SRBD1: variants seen among roughly 807,000 people sequenced by gnomAD.
SRBD1 encodes the protein S1 RNA binding domain 1.
A neutral mutation model predicts 115.3 loss-of-function variants in SRBD1; 88 were observed. The observed-to-expected ratio is 0.76, with a 90% confidence interval of 0.64 to 0.91. The LOEUF is 0.91. SRBD1 is among the 40% of genes least tolerant of loss of function. The probability of loss-of-function intolerance (pLI) is 0.00; values close to 1 mark genes in which losing one functional copy is unlikely to be tolerated. For missense variants in SRBD1, 1,385 were observed against 1,177.4 expected, an observed-to-expected ratio of 1.18 and a Z score of -2.58; for synonymous variants, 509 against 407.7, an observed-to-expected ratio of 1.25 and a Z score of -2.99.
chr2:45,489,957 C>G (rs899248437), intron 14 of SRBD1, among the ~76,000 whole-genome samples: 4 of 152,112 alleles, frequency 2.6e-5, no homozygotes, highest in Non-Finnish European at 5.9e-5. Context: ...TCTTCCTTTG[C>G]CTTTTTCTTT....
intron 19 of SRBD1, among the ~76,000 whole-genome samples, chr2:45,394,302 T>C (rs1410073875): frequency 6.6e-6 from 1 of 152,242 alleles, no homozygotes; most frequent in Admixed American, 6.5e-5. Flanking sequence ...TTAAGATGCA[T>C]TTCCCTTTAA....
intron 14 of SRBD1, among the ~76,000 whole-genome samples, chr2:45,544,944 G>A (rs1405509848): frequency 2.0e-5 from 3 of 152,050 alleles, no homozygotes; most frequent in African/African-American, 4.8e-5. Context: ...GCTAAGAAAG[G>A]CTAAGTAACT....
chr2:45,492,976 A>T (rs1190292499), intron 14 of SRBD1, among the ~76,000 whole-genome samples: 1 of 152,234 alleles, frequency 6.6e-6, no homozygotes, highest in African/African-American at 2.4e-5. Context: ...ATCAACTGGG[A>T]TATAATTACT....
At chr2:45,563,169 T>C (rs547591614) in intron 9 of SRBD1, among the ~76,000 whole-genome samples, 1 of 152,284 alleles carries the variant, frequency 6.6e-6, no homozygotes, top group African/African-American at 2.4e-5. Context: ...TTACCATCCA[T>C]TGAGCATTAC....
chr2:45,465,133 A>C (rs1669445373), intron 16 of SRBD1, among the ~76,000 whole-genome samples: 1 of 151,928 alleles, frequency 6.6e-6, no homozygotes, highest in Admixed American at 6.6e-5. Context: ...CTGATATAAA[A>C]CGGTGTAGTA....
At chr2:45,576,770 A>C (rs1402283900) in intron 7 of SRBD1, among the ~76,000 whole-genome samples, 2 of 152,214 alleles carry the variant, frequency 1.3e-5, no homozygotes, top group East Asian at 3.8e-4. Context: ...GTTTAATGAC[A>C]ACAACAGGGT....
intron 15 of SRBD1, among the ~76,000 whole-genome samples, chr2:45,478,566 TCA>T (rs1669872179): frequency 6.6e-6 from 1 of 152,158 alleles, no homozygotes; most frequent in South Asian, 2.1e-4. Context: ...AAGAAATCAA[TCA>T]CAAAAGGTTA....
At chr2:45,428,164 T>C (rs562381362) in intron 16 of SRBD1, among the ~76,000 whole-genome samples, 1 of 152,210 alleles carries the variant, frequency 6.6e-6, no homozygotes, top group Non-Finnish European at 1.5e-5. Flanking sequence ...CAGACTACAG[T>C]GCAATAAAAT....
chr2:45,492,434 T>C (rs1047617400), intron 14 of SRBD1, among the ~76,000 whole-genome samples: 15 of 152,218 alleles, frequency 9.9e-5, no homozygotes, highest in Middle Eastern at 3.4e-3. Context: ...AACTAGGTTT[T>C]TTCTGTTGTT....
At chr2:45,581,070 A>C (rs1673347088) in intron 6 of SRBD1, among the ~76,000 whole-genome samples, 1 of 152,058 alleles carries the variant, frequency 6.6e-6, no homozygotes, top group African/African-American at 2.4e-5. Flanking sequence ...TGATATCACA[A>C]AAATCCATGA....
rs747257265 is a variant in SRBD1 at position 45,399,491 on chromosome 2, G to A, written c.2514-6362C>T. 7.2e-5 allele frequency among the ~76,000 whole-genome samples: 11 copies of A among 152,112 alleles called. 1 individual carries two copies. The highest frequency in any genetic ancestry group is 1.0e-4 in the Non-Finnish European group (7 of 68,034). ...ATTATCTCAAATATTTATTGTGAAT[G>A]TAGATTTGCTGATAAGAAAACAAAA... On this transcript the variant is annotated intron_variant, in intron 19 of 20. Coordinates refer to ENST00000263736, the MANE Select transcript of SRBD1 (RefSeq NM_018079.5).
At position 45,534,488 on chromosome 2, in the gene SRBD1, G is replaced by C. The variant is rs182081963; in HGVS notation, c.1874+12244C>G. ...TCAAGCCATCACTGTAGAAAGAAAT[G>C]AGAAATTTAAATAACACAGCACCTT... On this transcript the variant is annotated intron_variant, in intron 14 of 20. Coordinates refer to ENST00000263736, the MANE Select transcript of SRBD1 (RefSeq NM_018079.5). Among the ~76,000 whole-genome samples, 26 of 151,948 alleles carry C rather than the reference G, an allele frequency of 1.7e-4. No individual in the cohort carries two copies. The East Asian group carries it at 5.0e-3, about 29-fold the overall frequency.
chr2:45,487,633 G>A (rs536182708), intron 15 of SRBD1, among the ~76,000 whole-genome samples: 1 of 151,682 alleles, frequency 6.6e-6, no homozygotes, highest in African/African-American at 2.4e-5. Context: ...AAGATCTTAG[G>A]ATCTTTTATT....
intron 16 of SRBD1, among the ~76,000 whole-genome samples, chr2:45,453,915 T>G (rs1317966464): frequency 6.6e-6 from 1 of 152,006 alleles, no homozygotes; most frequent in Non-Finnish European, 1.5e-5. Context: ...ATGTGGCAAT[T>G]CGTCCACTGC....
intron 14 of SRBD1, among the ~76,000 whole-genome samples, chr2:45,540,505 A>G (rs1041009057): frequency 1.1e-4 from 17 of 152,154 alleles, no homozygotes; most frequent in Admixed American, 7.9e-4. Context: ...AGCAAAAACT[A>G]TACCAAAAAA....
intron 1 of SRBD1, among the ~76,000 whole-genome samples, chr2:45,606,369 A>C (rs908069049): frequency 5.9e-5 from 9 of 152,148 alleles, no homozygotes; most frequent in Non-Finnish European, 1.2e-4. Flanking sequence ...CATGTTGGTC[A>C]GGCTGGTCTT....
intron 14 of SRBD1, among the ~76,000 whole-genome samples, chr2:45,537,655 G>A (rs1310281489): frequency 2.0e-5 from 3 of 152,152 alleles, no homozygotes; most frequent in Admixed American, 6.5e-5. Context: ...AGACTTGAGA[G>A]AAAAAATTTC....
intron 16 of SRBD1, among the ~76,000 whole-genome samples, chr2:45,427,926 T>C (rs1000026370): frequency 5.3e-5 from 8 of 152,132 alleles, no homozygotes; most frequent in Non-Finnish European, 1.0e-4. Flanking sequence ...CCACTGTCAA[T>C]ATCAGACAGA....
intron 14 of SRBD1, among the ~76,000 whole-genome samples, chr2:45,496,402 G>T (rs1224933735): frequency 6.7e-6 from 1 of 150,174 alleles, no homozygotes; most frequent in Non-Finnish European, 1.5e-5. Context: ...CATTAAAAAA[G>T]AATGACAACA....
Sources: allele counts gnomAD v4.1 joint callset (sites outside exome capture counted in the v4.1 genomes callset), GRCh38; gene constraint gnomAD v4.1.1; transcripts MANE v1.5; gene names NCBI Gene and HGNC (gene_info 2026-07-23, HGNC 2026-07-21).